Variants in RARB observed in about 807,000 individuals in gnomAD.
RARB encodes retinoic acid receptor beta, also known as HBV-activated protein.
Under a neutral mutation model 51.9 loss-of-function variants are expected in RARB, and 17 were observed. That is an observed-to-expected ratio of 0.33 (90% CI 0.22 to 0.49). The LOEUF is 0.49. Ranked by LOEUF, RARB falls within the 20% of genes least tolerant of loss-of-function variation. RARB has a pLI of 0.99. For missense variants in RARB, 369 were observed against 550.8 expected, an observed-to-expected ratio of 0.67 and a Z score of 3.30; for synonymous variants, 215 against 195.4, an observed-to-expected ratio of 1.10 and a Z score of -0.84.
At chr3:25,474,914 G>T (rs1018262883) in intron 2 of RARB, among the ~76,000 whole-genome samples, 2 of 152,112 alleles carry the variant, frequency 1.3e-5, no homozygotes, top group Non-Finnish European at 2.9e-5. Context: ...CCAAAAATTT[G>T]AGTCTCATGT....
At chr3:25,333,696 G>C (rs2125446508) in intron 5 of RARB, among the ~76,000 whole-genome samples, 1 of 152,272 alleles carries the variant, frequency 6.6e-6, no homozygotes, top group African/African-American at 2.4e-5. Context: ...TTAAACTAAA[G>C]AGCTTCTGCA....
upstream of RARB, among the ~76,000 whole-genome samples, chr3:25,424,931 T>C (rs554738945): frequency 6.6e-6 from 1 of 152,344 alleles, no homozygotes; most frequent in African/African-American, 2.4e-5. Flanking sequence ...AAATTTTTGT[T>C]TTATGATTAT....
chr3:25,169,479 A>G (rs962302705), intron 4 of RARB, among the ~76,000 whole-genome samples: 3 of 152,228 alleles, frequency 2.0e-5, no homozygotes, highest in Admixed American at 2.0e-4. Context: ...TGTTAACTCC[A>G]GGAAAGAAAC....
At chr3:25,000,139 G>T (rs1697128962) in intron 2 of RARB, among the ~76,000 whole-genome samples, 1 of 152,104 alleles carries the variant, frequency 6.6e-6, no homozygotes, top group South Asian at 2.1e-4. Context: ...ATGATGACCA[G>T]TCAAACGACA....
intron 2 of RARB, among the ~76,000 whole-genome samples, chr3:24,928,188 G>A (rs943999544): frequency 2.6e-5 from 4 of 151,922 alleles, no homozygotes; most frequent in African/African-American, 9.7e-5. Flanking sequence ...AATGTCATTT[G>A]TAGGTGTTTC....
At chr3:24,919,849 C>T (rs1044752531) in intron 2 of RARB, among the ~76,000 whole-genome samples, 2 of 152,144 alleles carry the variant, frequency 1.3e-5, no homozygotes, top group African/African-American at 2.4e-5. Context: ...TTACAACTTC[C>T]AGGGTGCTGC....
intron 4 of RARB, among the ~76,000 whole-genome samples, chr3:25,159,087 A>C (rs1700429077): frequency 2.0e-5 from 3 of 151,846 alleles, no homozygotes; most frequent in African/African-American, 7.3e-5. Context: ...TTTGATGAGA[A>C]TATAGTAATG....
rs147442813 is a variant in RARB at position 24,899,485 on chromosome 3, T to A, written c.-380+40733T>A. Among the ~76,000 whole-genome samples, 149 of 152,288 alleles carry A rather than the reference T, an allele frequency of 9.8e-4. 2 individuals carry two copies. Among genetic ancestry groups the A allele is most frequent in the Middle Eastern group, 3.4e-3 (1 of 294 alleles). ...TGAGAGGCCGAATATTATATGGTTT[T>A]CTTTGCCATTGGTGAAAAGCATCTC... On this transcript the variant is annotated intron_variant, in intron 2 of 11. Coordinates refer to the RARB transcript ENST00000383772.
intron 5 of RARB, among the ~76,000 whole-genome samples, chr3:25,330,331 C>G (rs527374450): frequency 6.6e-6 from 1 of 152,206 alleles, no homozygotes; most frequent in Non-Finnish European, 1.5e-5. Flanking sequence ...AGACACTCTG[C>G]AAGCCAGAAG....
chr3:25,431,922 A>T lies in RARB; in HGVS notation c.157+3034A>T, dbSNP rs575054778. On this transcript the variant is annotated intron_variant, in intron 1 of 7. Coordinates refer to ENST00000330688, the MANE Select transcript of RARB (RefSeq NM_000965.5). The stretch of plus-strand genomic sequence containing the variant: ...CCTAGTGAGATATAAATTGGGGTCA[A>T]AGTGGCAAAATCAAAGATACCCTCT... Among the ~76,000 whole-genome samples, 26 of 152,266 alleles carry T rather than the reference A, an allele frequency of 1.7e-4. No individual in the cohort carries two copies. The South Asian group carries it at 5.0e-3, about 29-fold the overall frequency.
At chr3:25,395,046 GGTTTT>G (rs1209784870) in intron 5 of RARB, among the ~76,000 whole-genome samples, 1 of 152,120 alleles carries the variant, frequency 6.6e-6, no homozygotes, top group Admixed American at 6.6e-5. Flanking sequence ...TGTATTTTGA[GGTTTT>G]GTTTCAAGAT....
chr3:24,937,168 T>C (rs1279378244), intron 2 of RARB, among the ~76,000 whole-genome samples: 1 of 152,230 alleles, frequency 6.6e-6, no homozygotes, highest in Non-Finnish European at 1.5e-5. Flanking sequence ...AGTTATTACA[T>C]GGAAACAAAA....
intron 5 of RARB, among the ~76,000 whole-genome samples, chr3:25,248,646 C>A (rs1163130987): frequency 6.6e-6 from 1 of 152,068 alleles, no homozygotes; most frequent in Non-Finnish European, 1.5e-5. Context: ...GTGATGAATT[C>A]CTTCAGCTTT....
chr3:24,912,958 C>T (rs961471721), intron 2 of RARB, among the ~76,000 whole-genome samples: 1 of 119,726 alleles, frequency 8.4e-6, no homozygotes, highest in African/African-American at 2.7e-5. Context: ...TGGCAATACG[C>T]ACACAAGGTA....
At chr3:25,169,973 G>A (rs1700615691) in intron 4 of RARB, among the ~76,000 whole-genome samples, 1 of 140,066 alleles carries the variant, frequency 7.1e-6, no homozygotes, top group African/African-American at 2.8e-5. Flanking sequence ...GGGTGACAGA[G>A]CGACACCTTA....
intron 5 of RARB, among the ~76,000 whole-genome samples, chr3:25,179,247 C>T (rs1700816244): frequency 6.6e-6 from 1 of 152,082 alleles, no homozygotes; most frequent in South Asian, 2.1e-4. Context: ...GTGTGCTGAT[C>T]GATTGAATTT....
intron 5 of RARB, among the ~76,000 whole-genome samples, chr3:25,305,303 A>G (rs955657320): frequency 6.6e-6 from 1 of 152,134 alleles, no homozygotes; most frequent in African/African-American, 2.4e-5. Context: ...TGGAGCCTGC[A>G]TTAATTAGGT....
chr3:25,054,315 C>G (rs1184260510), intron 2 of RARB, among the ~76,000 whole-genome samples: 2 of 152,108 alleles, frequency 1.3e-5, no homozygotes, highest in South Asian at 2.1e-4. Context: ...TATTCACACC[C>G]TTAAGAAATT....
At chr3:25,040,031 T>C (rs1575131413) in intron 2 of RARB, among the ~76,000 whole-genome samples, 2 of 152,340 alleles carry the variant, frequency 1.3e-5, no homozygotes, top group African/African-American at 4.8e-5. Flanking sequence ...GACATTCTCC[T>C]GATATCCTGA....
Sources: allele counts gnomAD v4.1 joint callset (sites outside exome capture counted in the v4.1 genomes callset), GRCh38; gene constraint gnomAD v4.1.1; transcripts MANE v1.5; gene names NCBI Gene and HGNC (gene_info 2026-07-23, HGNC 2026-07-21).